Variants in LRRD1 observed in about 807,000 individuals in gnomAD.
The protein encoded by LRRD1 is leucine rich repeats and death domain containing 1.
In LRRD1, 49 loss-of-function variants were observed where a neutral mutation model predicts 69.5. The observed-to-expected ratio is 0.70, with a 90% confidence interval of 0.56 to 0.89. The LOEUF (loss-of-function observed/expected upper bound fraction) is 0.89. Among genes scored for constraint, LRRD1 ranks in the 40% least tolerant of loss-of-function variants. The pLI is 0.00. For synonymous variants in LRRD1, 303 were observed against 338.9 expected, an observed-to-expected ratio of 0.89 and a Z score of 1.16; for missense variants, 853 against 956.0, an observed-to-expected ratio of 0.89 and a Z score of 1.42.
At chr7:92,175,678 C>T (rs1009930154) in intron 1 of LRRD1, among the ~76,000 whole-genome samples, 2 of 152,002 alleles carry the variant, frequency 1.3e-5, no homozygotes, top group Admixed American at 6.6e-5. Context: ...AAAACAAAAA[C>T]AGAGTGCTTA....
In LRRD1 at chr7:92,164,729, C is replaced by G; in HGVS notation, c.474G>C (p.Lys158Asn). The G allele has an allele frequency of 6.4e-7, 1 of 1,550,822 alleles. No individual in the cohort carries two copies. The highest frequency in any genetic ancestry group is 8.7e-7 in the Non-Finnish European group (1 of 1,146,672). Residue 158 changes from lysine (K) to asparagine (N), a missense_variant, in exon 2 of 6, where the codon AAG becomes AAC. Lys to Asn is a moderately conservative substitution (Grantham distance 94). Coordinates refer to ENST00000458448, the MANE Select transcript of LRRD1 (RefSeq NM_001161528.2). ...TTACATATTTGATTTTTAAAATGTC[C>G]TTAGGAAATTCCTGTAAACCCTTGG... ...LEAKGLQEFP[K>N]DILKIKYVKY...
chr7:92,153,484 A>C (rs1788571620), intron 3 of LRRD1, among the ~76,000 whole-genome samples: 1 of 148,748 alleles, frequency 6.7e-6, no homozygotes, highest in Non-Finnish European at 1.5e-5. Context: ...TTTTTTAAGT[A>C]TTAAGCAAAT....
At chr7:92,158,607 T>C (rs1788725103) in intron 3 of LRRD1, among the ~76,000 whole-genome samples, 1 of 151,982 alleles carries the variant, frequency 6.6e-6, no homozygotes, top group South Asian at 2.1e-4. Context: ...AATGACTCCA[T>C]GTAAGGTATT....
In LRRD1 at chr7:92,169,258, C is replaced by CA. The variant is rs1436494238; in HGVS notation, c.-74-3983dup. On this transcript the variant is annotated intron_variant, in intron 1 of 5. Coordinates refer to ENST00000458448, the MANE Select transcript of LRRD1 (RefSeq NM_001161528.2). ...GGCAGTGATCTCAAAATAACACACA[C>CA]AAAAAAACAGTGATCTCAAAAATAA... Among the ~76,000 whole-genome samples the CA allele has an allele frequency of 5.3e-5, 8 of 151,630 alleles. No homozygotes were observed. In the South Asian group the frequency reaches 1.3e-3, roughly 24 times the overall value.
At chr7:92,155,090 A>G (rs1788623097) in intron 3 of LRRD1, among the ~76,000 whole-genome samples, 1 of 152,170 alleles carries the variant, frequency 6.6e-6, no homozygotes, top group African/African-American at 2.4e-5. Context: ...ACCTCATCAT[A>G]TGATTCTTTT....
At position 92,165,191 on chromosome 7, in the gene LRRD1, C is replaced by A. The variant is rs1260744756; in HGVS notation, c.12G>T (p.Lys4Asn). MSE[K>N]EGMSEVLEDT... ...CCTCTAGCACTTCTGACATACCCTC[C>A]TTTTCAGACATCTTATTTGCTGATA... is the stretch of plus-strand genomic sequence containing the variant. Residue 4 changes from lysine to asparagine, a missense_variant, in exon 2 of 6, where the codon AAG becomes AAT. Physicochemically the swap from Lys to Asn is moderately conservative, Grantham distance 94. Transcript: ENST00000458448. 1 of 1,463,810 alleles carries A rather than the reference C, an allele frequency of 6.8e-7. No individual in the cohort carries two copies. Among genetic ancestry groups the A allele is most frequent in the East Asian group, 2.5e-5 (1 of 40,032 alleles). 90.7% of individuals were successfully genotyped at this position (1,463,810 alleles called of 1,614,324 possible).
chr7:92,163,837 C>T lies in LRRD1; in HGVS notation c.1366G>A (p.Val456Ile), dbSNP rs1788841931. The change falls in exon 2 of 6, where the codon GTT becomes ATT. Residue 456 changes from valine to isoleucine, a missense_variant. This residue lies in a region of LRRD1 where 739 missense variants were observed against 808.0 expected (regional missense o/e 0.91). Coordinates refer to ENST00000458448, the MANE Select transcript of LRRD1 (RefSeq NM_001161528.2). Reference sequence around the variant, plus strand: ...TGGCAGTTTTTTATTTCAATGGGAACATCTGTGATTATGTTTCCTGAAAAT... The same window carrying T: ...TGGCAGTTTTTTATTTCAATGGGAATATCTGTGATTATGTTTCCTGAAAAT... ...LEFSGNIITD[V>I]PIEIKNCQKI... is the part of the protein sequence containing the mutation. The T allele has an allele frequency of 3.3e-6, 5 of 1,502,648 alleles. No individual in the cohort carries two copies. In the African/African-American group the frequency reaches 4.3e-5, roughly 13 times the overall value. The allele number at this position is 1,502,648 out of a possible 1,614,324, so 93.1% of individuals were successfully genotyped here. A position where few individuals can be genotyped will look rare whatever the true frequency, so the allele number is the denominator to read the frequency against.
intron 3 of LRRD1, among the ~76,000 whole-genome samples, chr7:92,155,062 T>G (rs574555718): frequency 9.8e-5 from 15 of 152,374 alleles, no homozygotes; most frequent in Admixed American, 5.9e-4. Flanking sequence ...ATATTCGTCC[T>G]TAGCGTAGAT....
In LRRD1 at chr7:92,163,854, C is replaced by G. The variant is rs1033314990; in HGVS notation, c.1349G>C (p.Gly450Ala). ...LNNICSLEFS[G>A]NIITDVPIEI... ...AATGGGAACATCTGTGATTATGTTT[C>G]CTGAAAATTCTAGACTGCATATGTT... Residue 450 changes from glycine (G) to alanine (A), a missense_variant, in exon 2 of 6, where the codon GGA becomes GCA. Gly to Ala is a moderately conservative substitution (Grantham distance 60). Around this residue, in one of 3 missense-constraint regions of LRRD1, gnomAD observed 739 missense variants for 808.0 expected, o/e 0.91. Coordinates refer to ENST00000458448, the MANE Select transcript of LRRD1 (RefSeq NM_001161528.2). The G allele has an allele frequency of 6.0e-5, 90 of 1,501,982 alleles. No individual in the cohort carries two copies. Among genetic ancestry groups the G allele is most frequent in the Admixed American group, 1.3e-4 (5 of 38,154 alleles). The allele number at this position is 1,501,982 out of a possible 1,614,324, so 93.0% of individuals were successfully genotyped here.
intron 3 of LRRD1, among the ~76,000 whole-genome samples, chr7:92,155,181 A>G (rs1788625406): frequency 6.6e-6 from 1 of 152,202 alleles, no homozygotes; most frequent in Admixed American, 6.5e-5. Flanking sequence ...AATTGCCAGC[A>G]TCACTACTCT....
chr7:92,156,583 C>A, intron 3 of LRRD1, among the ~76,000 whole-genome samples: 1 of 152,144 alleles, frequency 6.6e-6, no homozygotes, highest in African/African-American at 2.4e-5. Context: ...AAATCAATTT[C>A]CAATCATTTC....
chr7:92,155,880 G>A (rs1788644020), intron 3 of LRRD1, among the ~76,000 whole-genome samples: 2 of 152,204 alleles, frequency 1.3e-5, no homozygotes, highest in Admixed American at 6.5e-5. Flanking sequence ...CATCCAGCAT[G>A]GGAGATAGAT....
At chr7:92,170,143 CGGAA>C (rs1042235399) in intron 1 of LRRD1, among the ~76,000 whole-genome samples, 35 of 124,656 alleles carry the variant, frequency 2.8e-4, no homozygotes, top group South Asian at 1.6e-3. Context: ...GAAGGAAGGA[CGGAA>C]GGAAGGAAGG....
At chr7:92,174,510 T>TATATATATGTATATA (rs1491100533) in intron 1 of LRRD1, among the ~76,000 whole-genome samples, 4 of 12,604 alleles carry the variant, frequency 3.2e-4, no homozygotes, top group Admixed American at 1.2e-3. Context: ...TATATATATA[T>TATATATATGTATATA]TTTTTTTTTT....
intron 2 of LRRD1, among the ~76,000 whole-genome samples, chr7:92,160,771 C>T (rs1029574061): frequency 6.6e-6 from 1 of 152,110 alleles, no homozygotes; most frequent in Non-Finnish European, 1.5e-5. Context: ...TGAGATCGCA[C>T]CACTGTCCTC....
chr7:92,172,618 G>A (rs1789081259), intron 1 of LRRD1, among the ~76,000 whole-genome samples: 1 of 151,806 alleles, frequency 6.6e-6, no homozygotes, highest in South Asian at 2.1e-4. Flanking sequence ...AAATAGCTAG[G>A]AATCAATTTA....
At chr7:92,178,481 G>A (rs898009591) in intron 1 of LRRD1, among the ~76,000 whole-genome samples, 3 of 151,980 alleles carry the variant, frequency 2.0e-5, no homozygotes, top group Admixed American at 2.0e-4. Context: ...GACCAGCCTG[G>A]CCAACAGGGT....
chr7:92,176,894 C>T (rs1789209729), intron 1 of LRRD1, among the ~76,000 whole-genome samples: 1 of 149,908 alleles, frequency 6.7e-6, no homozygotes, highest in African/African-American at 2.5e-5. Context: ...TGAGGCATTT[C>T]TTGGATAAGT....
chr7:92,144,873 T>G lies in LRRD1; in HGVS notation c.*15A>C. 7.0e-7 allele frequency: 1 copy of G among 1,433,464 alleles called. No homozygotes were observed. The highest frequency in any genetic ancestry group is 2.6e-5 in the East Asian group (1 of 38,810). The allele number at this position is 1,433,464 out of a possible 1,614,324, so 88.8% of individuals were successfully genotyped here. A position where few individuals can be genotyped will look rare whatever the true frequency, so the allele number is the denominator to read the frequency against. On this transcript the variant is annotated 3_prime_UTR_variant, in exon 6 of 6. Transcript: ENST00000458448. ...GTGCATCAAAAGTTTTCAGTTTTTA[T>G]TATTGATCCACTGGTTAGAATTTAA...
Sources: allele counts gnomAD v4.1 joint callset (sites outside exome capture counted in the v4.1 genomes callset), GRCh38; gene constraint gnomAD v4.1.1; regional missense constraint gnomAD v4.1.1; transcripts MANE v1.5; gene names NCBI Gene and HGNC (gene_info 2026-07-23, HGNC 2026-07-21).